The following ODAD2 variants were observed in gnomAD, a reference collection of about 807,000 sequenced individuals.
ODAD2 encodes the protein outer dynein arm-docking complex subunit 2.
A neutral mutation model predicts 106.8 loss-of-function variants in ODAD2; 89 were observed. That is an observed-to-expected ratio of 0.83 (90% CI 0.70 to 0.99). ODAD2 has a LOEUF of 0.99. Ranked by LOEUF, ODAD2 falls within the 50% of genes least tolerant of loss-of-function variation. ODAD2 has a pLI of 0.00. For synonymous variants in ODAD2, 404 were observed against 436.2 expected, an observed-to-expected ratio of 0.93 and a Z score of 0.92; for missense variants, 1,168 against 1,238.5, an observed-to-expected ratio of 0.94 and a Z score of 0.85.
At chr10:27,817,860 G>C (rs981780122) in intron 19 of ODAD2, among the ~76,000 whole-genome samples, 1 of 151,890 alleles carries the variant, frequency 6.6e-6, no homozygotes, top group African/African-American at 2.4e-5. Context: ...TCCAGTAGGG[G>C]GATTGCTGGA....
intron 19 of ODAD2, among the ~76,000 whole-genome samples, chr10:27,830,977 A>G (rs1837433272): frequency 6.6e-6 from 1 of 152,124 alleles, no homozygotes; most frequent in African/African-American, 2.4e-5. Flanking sequence ...CCTTTGTTCT[A>G]TCAGGTAGAG....
intron 17 of ODAD2, among the ~76,000 whole-genome samples, chr10:27,869,620 C>T (rs921559427): frequency 8.6e-5 from 13 of 151,732 alleles, no homozygotes; most frequent in African/African-American, 1.2e-4. Context: ...CTGCAACTTC[C>T]GCCCCCTAGG....
At chr10:27,819,969 C>T (rs778692040) in intron 19 of ODAD2, among the ~76,000 whole-genome samples, 2 of 152,164 alleles carry the variant, frequency 1.3e-5, no homozygotes, top group Non-Finnish European at 2.9e-5. Context: ...GCATTTGAAT[C>T]GCATAGTCCA....
chr10:27,951,992 T>C (rs760211744), intron 10 of ODAD2, among the ~76,000 whole-genome samples: 10 of 147,354 alleles, frequency 6.8e-5, no homozygotes, highest in South Asian at 2.1e-4. Flanking sequence ...GGAGAATTGC[T>C]TGAACTGGGG....
chr10:27,974,327 C>T (rs1421916495), intron 7 of ODAD2, among the ~76,000 whole-genome samples: 1 of 151,970 alleles, frequency 6.6e-6, no homozygotes, highest in African/African-American at 2.4e-5. Context: ...AATGGTATTG[C>T]CTAGGTTGTC....
At chr10:27,972,269 A>G (rs1848912064) in intron 7 of ODAD2, among the ~76,000 whole-genome samples, 1 of 152,182 alleles carries the variant, frequency 6.6e-6, no homozygotes, top group Non-Finnish European at 1.5e-5. Context: ...CAGCTAAGAA[A>G]CTTTTAGTAA....
At chr10:27,951,132 T>C (rs1217443035) in intron 10 of ODAD2, among the ~76,000 whole-genome samples, 4 of 152,208 alleles carry the variant, frequency 2.6e-5, no homozygotes, top group African/African-American at 7.2e-5. Context: ...AATGGATGAA[T>C]GGTCATACCA....
chr10:27,823,300 G>A lies in ODAD2; in HGVS notation c.3022-10675C>T, dbSNP rs529381772. On this transcript the variant is annotated intron_variant, in intron 19 of 19. Coordinates refer to ENST00000305242, the MANE Select transcript of ODAD2 (RefSeq NM_018076.5). ...AAGGATGGATTAAAAAAATCTATGT[G>A]GATAAGATTGTTTAGAATTGCATTT... Among the ~76,000 whole-genome samples, 13 of 152,236 alleles carry A rather than the reference G, an allele frequency of 8.5e-5. No individual in the cohort carries two copies. In the East Asian group the frequency reaches 2.5e-3, roughly 29 times the overall value.
intron 16 of ODAD2, among the ~76,000 whole-genome samples, chr10:27,918,226 G>GAA (rs1450459921): frequency 6.6e-6 from 1 of 151,784 alleles, no homozygotes; most frequent in Non-Finnish European, 1.5e-5. Context: ...TACAAGGAAA[G>GAA]AAAACTACAA....
chr10:27,935,812 G>GCATA (rs1209591359), intron 15 of ODAD2, among the ~76,000 whole-genome samples: 1 of 149,672 alleles, frequency 6.7e-6, no homozygotes, highest in African/African-American at 2.5e-5. Context: ...ATGTATGTGT[G>GCATA]CATACATATA....
intron 10 of ODAD2, among the ~76,000 whole-genome samples, chr10:27,949,826 AG>A (rs1264040228): frequency 6.6e-6 from 1 of 152,160 alleles, no homozygotes; most frequent in Non-Finnish European, 1.5e-5. Context: ...TTGGAGTAGG[AG>A]GGGAGGGTGA....
At chr10:27,946,214 T>C (rs1301247122) in intron 10 of ODAD2, among the ~76,000 whole-genome samples, 1 of 148,302 alleles carries the variant, frequency 6.7e-6, no homozygotes, top group Non-Finnish European at 1.5e-5. Flanking sequence ...TATATAAATA[T>C]AAAAAATACC....
chr10:27,885,547 T>TAA lies in ODAD2; in HGVS notation c.2610+22114_2610+22115dup, dbSNP rs1564465314. ...AAAAAAAAAAAAATATATATATATATAAATATATAAATATAAATATATATA... is the reference window on the plus strand; with the variant it reads ...AAAAAAAAAAAAATATATATATATATAAAAATATATAAATATAAATATATATA... On this transcript the variant is annotated intron_variant, in intron 17 of 19. Transcript: ENST00000305242. 4.8e-4 allele frequency among the ~76,000 whole-genome samples: 8 copies of TAA among 16,592 alleles called. 1 individual carries two copies. The highest frequency in any genetic ancestry group is 1.5e-3 in the African/African-American group (7 of 4,542). 10.9% of individuals were successfully genotyped at this position (16,592 alleles called of 152,430 possible). A position where few individuals can be genotyped will look rare whatever the true frequency, so the allele number is the denominator to read the frequency against.
chr10:27,847,467 A>G lies in ODAD2; in HGVS notation c.3021+13158T>C, dbSNP rs762304963. On this transcript the variant is annotated intron_variant, in intron 19 of 19. Transcript: ENST00000305242. ...TTATGACATACCCACAGCCAATATC[A>G]TCCTGAATGGGCAAAAATGAAGCAT... Among the ~76,000 whole-genome samples the G allele has an allele frequency of 4.6e-5, 7 of 152,362 alleles. No individual in the cohort carries two copies. The South Asian group carries it at 1.5e-3, about 32-fold the overall frequency.
intron 10 of ODAD2, among the ~76,000 whole-genome samples, chr10:27,955,189 A>G (rs1417721352): frequency 1.3e-5 from 2 of 152,164 alleles, no homozygotes; most frequent in Non-Finnish European, 2.9e-5. Flanking sequence ...CGTTTTCGAA[A>G]TACTCTTTTT....
chr10:27,833,459 C>T (rs1589778124), intron 19 of ODAD2, among the ~76,000 whole-genome samples: 1 of 152,096 alleles, frequency 6.6e-6, no homozygotes, highest in East Asian at 1.9e-4. Context: ...ATCGTAGGAA[C>T]TCAGCCCCTC....
Position 27,944,855 on chromosome 10 carries a change from C to T in ODAD2, c.1494G>A (p.Val498=), listed in dbSNP as rs953675673. The T allele has an allele frequency of 6.2e-7, 1 of 1,614,020 alleles. No individual in the cohort carries two copies. Among genetic ancestry groups the T allele is most frequent in the Non-Finnish European group, 8.5e-7 (1 of 1,180,014 alleles). ...CATCGGTTTCAAGCAAATTTATCAG[C>T]ACTTCCAGGCCTCCAACATCTCTGA... is the stretch of plus-strand genomic sequence containing the variant. The part of the protein sequence containing the change: ...LAIRDVGGLE[V]LINLLETDEV... The change falls in exon 11 of 20, where the codon GTG becomes GTA. Residue 498 remains valine, a synonymous_variant. Transcript: ENST00000305242.
At chr10:27,993,511 G>T (rs570444975) in intron 2 of ODAD2, among the ~76,000 whole-genome samples, 17 of 152,174 alleles carry the variant, frequency 1.1e-4, no homozygotes, top group Admixed American at 8.5e-4. Context: ...TTAGCCAGGC[G>T]TGGTGGCGGA....
intron 17 of ODAD2, among the ~76,000 whole-genome samples, chr10:27,881,467 C>T (rs78614042): frequency 7.2e-6 from 1 of 139,400 alleles, no homozygotes; most frequent in South Asian, 2.3e-4. Flanking sequence ...TCTGCTTCTA[C>T]AAAAAAAAAA....
Sources: gnomAD v4.1 joint callset for allele counts (sites outside exome capture counted in the v4.1 genomes callset) on GRCh38, gnomAD v4.1.1 for gene constraint, MANE v1.5 for transcripts, NCBI Gene and HGNC (gene_info 2026-07-23, HGNC 2026-07-21) for gene names.